SRRM4: variants seen among roughly 807,000 people sequenced by gnomAD.
SRRM4 encodes serine/arginine repetitive matrix 4, also known as serine/arginine repetitive matrix protein 4.
A neutral mutation model predicts 68.9 loss-of-function variants in SRRM4; 33 were observed. The ratio of observed to expected loss-of-function variants is 0.48; its 90% confidence interval spans 0.36 to 0.64. SRRM4 has a LOEUF of 0.64. Ranked by LOEUF, SRRM4 falls within the 30% of genes least tolerant of loss-of-function variation. The pLI, the probability that SRRM4 is intolerant of heterozygous loss-of-function variation, is 0.00. For synonymous variants in SRRM4, 318 were observed against 318.8 expected, an observed-to-expected ratio of 1.00 and a Z score of 0.03; for missense variants, 817 against 827.1, an observed-to-expected ratio of 0.99 and a Z score of 0.15.
At chr12:119,072,493 G>A (rs941799445) in intron 1 of SRRM4, among the ~76,000 whole-genome samples, 2 of 152,296 alleles carry the variant, frequency 1.3e-5, no homozygotes, top group Admixed American at 6.5e-5. Flanking sequence ...GGGGAAGGGA[G>A]GGTGAAGCTG....
At chr12:119,028,470 T>G (rs527583879) in intron 1 of SRRM4, among the ~76,000 whole-genome samples, 42 of 152,338 alleles carry the variant, frequency 2.8e-4, no homozygotes, top group Non-Finnish European at 5.1e-4. Flanking sequence ...ACAAGTTCTC[T>G]TCTCTTGTCT....
intron 1 of SRRM4, among the ~76,000 whole-genome samples, chr12:119,095,374 G>A (rs746860237): frequency 2.2e-4 from 34 of 152,280 alleles, no homozygotes; most frequent in South Asian, 4.2e-4. Flanking sequence ...GTGGGAAAAA[G>A]GATGGACCTT....
At chr12:119,137,281 T>C (rs1388991592) in intron 8 of SRRM4, among the ~76,000 whole-genome samples, 1 of 152,200 alleles carries the variant, frequency 6.6e-6, no homozygotes. Flanking sequence ...TTAATTGGAA[T>C]TCTCTTCTTG....
In SRRM4 at chr12:119,130,696, T is replaced by C; in HGVS notation, c.633T>C (p.Pro211=). The C allele has an allele frequency of 1.2e-6, 2 of 1,611,114 alleles. No homozygotes were observed. The highest frequency in any genetic ancestry group is 8.5e-7 in the Non-Finnish European group (1 of 1,179,604). The change falls in exon 8 of 13, where the codon CCT becomes CCC. Residue 211 remains proline, a synonymous_variant. Coordinates refer to ENST00000267260, the MANE Select transcript of SRRM4 (RefSeq NM_194286.4). ...TCCCCAGGCACCGCGGCCGGTCCCC[T>C]GAGGAAGGGCAGAAGTCCCGCCGAA... is the stretch of plus-strand genomic sequence containing the variant. The part of the protein sequence containing the change: ...SCESRHRGRS[P]EEGQKSRRRH...
chr12:119,155,187 T>C (rs1954464595), intron 12 of SRRM4, among the ~76,000 whole-genome samples: 1 of 152,240 alleles, frequency 6.6e-6, no homozygotes, highest in Non-Finnish European at 1.5e-5. Flanking sequence ...CTGGAACAGG[T>C]AAGGCCTCAG....
At position 119,097,030 on chromosome 12, in the gene SRRM4, G is replaced by C. The variant is rs181374082; in HGVS notation, c.132-5206G>C. 1.0e-3 allele frequency among the ~76,000 whole-genome samples: 143 copies of C among 141,000 alleles called. 1 individual carries two copies. The East Asian group carries it at 0.018, about 18-fold the overall frequency. The allele number at this position is 141,000 out of a possible 152,430, so 92.5% of individuals were successfully genotyped here. A position where few individuals can be genotyped will look rare whatever the true frequency, so the allele number is the denominator to read the frequency against. ...GCCGCCGGGAGGCCTTGAGGAATTC[G>C]GCACTCGTGGCTCCCTCCCTCCATC... is the stretch of plus-strand genomic sequence containing the variant. On this transcript the variant is annotated intron_variant, in intron 1 of 12. Transcript: ENST00000267260.
chr12:119,113,439 A>G (rs994814250), intron 2 of SRRM4, among the ~76,000 whole-genome samples: 1 of 152,248 alleles, frequency 6.6e-6, no homozygotes, highest in African/African-American at 2.4e-5. Flanking sequence ...GGCTCAAGAC[A>G]GTAAAAGTCA....
chr12:119,021,228 T>G (rs1439048324), intron 1 of SRRM4, among the ~76,000 whole-genome samples: 1 of 152,174 alleles, frequency 6.6e-6, no homozygotes, highest in African/African-American at 2.4e-5. Context: ...TTGGACACTC[T>G]TCTGTAAGTA....
chr12:119,108,887 T>C lies in SRRM4; in HGVS notation c.279-5391T>C, dbSNP rs1954124938. The stretch of plus-strand genomic sequence containing the variant: ...TTATGATGTTAGCTGGTTATTTTGC[T>C]CTTTAGTTGATGCAATTTCTTCCTA... On this transcript the variant is annotated intron_variant, in intron 2 of 12. Coordinates refer to ENST00000267260, the MANE Select transcript of SRRM4 (RefSeq NM_194286.4). Among the ~76,000 whole-genome samples, 10 of 152,352 alleles carry C rather than the reference T, an allele frequency of 6.6e-5. No individual in the cohort carries two copies. The South Asian group carries it at 2.1e-3, about 32-fold the overall frequency.
intron 9 of SRRM4, among the ~76,000 whole-genome samples, chr12:119,150,656 T>C (rs1954433034): frequency 6.6e-6 from 1 of 152,192 alleles, no homozygotes; most frequent in Non-Finnish European, 1.5e-5. Flanking sequence ...TCCTCATTAA[T>C]GTAATCAGAA....
intron 1 of SRRM4, chr12:119,000,825 G>T (rs1435695566): frequency 6.6e-6 from 1 of 152,168 alleles, no homozygotes; most frequent in Non-Finnish European, 1.5e-5. Context: ...TTTGGCCAAT[G>T]GGGGAACCTG....
At chr12:119,097,956 C>T (rs765146334) in intron 1 of SRRM4, among the ~76,000 whole-genome samples, 1 of 152,190 alleles carries the variant, frequency 6.6e-6, no homozygotes. Flanking sequence ...CTTGTGGTAT[C>T]GATTTATTTT....
intron 1 of SRRM4, among the ~76,000 whole-genome samples, chr12:119,041,567 T>G (rs1320577756): frequency 6.6e-6 from 1 of 152,244 alleles, no homozygotes; most frequent in Admixed American, 6.5e-5. Flanking sequence ...CATGGACATT[T>G]CAAAGTTGCA....
At chr12:119,129,733 G>A (rs1016657573) in intron 7 of SRRM4, among the ~76,000 whole-genome samples, 4 of 152,182 alleles carry the variant, frequency 2.6e-5, no homozygotes, top group African/African-American at 7.2e-5. Flanking sequence ...AAATGAACAA[G>A]TAAGAGAATG....
Position 118,992,701 on chromosome 12 carries a change from G to A in SRRM4, c.131+10688G>A, listed in dbSNP as rs574440653. On this transcript the variant is annotated intron_variant, in intron 1 of 12. Coordinates refer to ENST00000267260, the MANE Select transcript of SRRM4 (RefSeq NM_194286.4). ...CTTTATAAATCCTCATTGCCTCACT[G>A]GGGCACTTAGTCTACTGTCAGGATG... Among the ~76,000 whole-genome samples, 90 of 152,282 alleles carry A rather than the reference G, an allele frequency of 5.9e-4. 1 individual carries two copies. The highest frequency in any genetic ancestry group is 2.0e-3 in the African/African-American group (83 of 41,546).
At chr12:119,132,399 G>A (rs191152757) in intron 8 of SRRM4, 1 of 152,320 alleles carries the variant, frequency 6.6e-6, no homozygotes, top group East Asian at 1.9e-4. Context: ...AAGAGGTAGA[G>A]GAATGTTTTT....
chr12:119,070,297 T>C (rs752991866), intron 1 of SRRM4, among the ~76,000 whole-genome samples: 1 of 151,900 alleles, frequency 6.6e-6, no homozygotes, highest in Non-Finnish European at 1.5e-5. Context: ...ATTCAATGTC[T>C]ATTTATTGGG....
At chr12:119,151,247 G>A (rs372438926) in intron 10 of SRRM4, 27 bp downstream of exon 10, 1 of 1,593,014 alleles carries the variant, frequency 6.3e-7, no homozygotes, top group Non-Finnish European at 8.6e-7. Flanking sequence ...CCTTTGCTCT[G>A]CAGCACCTTT....
At chr12:119,029,522 G>T (rs535084827) in intron 1 of SRRM4, among the ~76,000 whole-genome samples, 4 of 152,312 alleles carry the variant, frequency 2.6e-5, no homozygotes, top group African/African-American at 7.2e-5. Context: ...CATTCATTAG[G>T]AGCCCTCTCT....
Sources: gnomAD v4.1 joint callset for allele counts (sites outside exome capture counted in the v4.1 genomes callset) on GRCh38, gnomAD v4.1.1 for gene constraint, MANE v1.5 for transcripts, NCBI Gene and HGNC (gene_info 2026-07-23, HGNC 2026-07-21) for gene names.